The following DAP3 variants were observed in gnomAD, a reference collection of about 807,000 sequenced individuals.
DAP3 encodes the protein death associated protein 3, also known as small ribosomal subunit protein mS29.
A neutral mutation model predicts 51.9 loss-of-function variants in DAP3; 28 were observed. That is an observed-to-expected ratio of 0.54 (90% confidence interval 0.40 to 0.74). The LOEUF is 0.74. Ranked by LOEUF, DAP3 falls within the 30% of genes least tolerant of loss-of-function variation. The pLI, the probability that DAP3 is intolerant of heterozygous loss-of-function variation, is 0.00. For missense variants in DAP3, 458 were observed against 483.5 expected (o/e 0.95, Z 0.49); for synonymous variants, 170 against 170.3 (o/e 1.00, Z 0.01).
rs555547517 is a variant in DAP3, at chr1:155,690,977, G to A, written c.-8+1803G>A. 9.9e-5 allele frequency among the ~76,000 whole-genome samples: 14 copies of A among 141,876 alleles called. 3 individuals are homozygous for A. Among genetic ancestry groups the A allele is most frequent in the African/African-American group, 3.5e-4 (11 of 31,436 alleles). The allele number at this position is 141,876 out of a possible 152,430, so 93.1% of individuals were successfully genotyped here. A position where few individuals can be genotyped will look rare whatever the true frequency, so the allele number is the denominator to read the frequency against. On this transcript the variant is annotated intron_variant, in intron 1 of 12. Transcript: ENST00000368336. Reference sequence around the variant, plus strand: ...GGCTGGAGTGCAGTGGCGCGATCTCGGCTCACTGCAAGCTCCGCCTCCCGG... The same window carrying A: ...GGCTGGAGTGCAGTGGCGCGATCTCAGCTCACTGCAAGCTCCGCCTCCCGG...
intron 2 of DAP3, among the ~76,000 whole-genome samples, chr1:155,713,916 A>G (rs897289634): frequency 6.6e-6 from 1 of 152,256 alleles, no homozygotes; most frequent in African/African-American, 2.4e-5. Flanking sequence ...GCAGTGTAAT[A>G]AAATTGCTGT....
At chr1:155,703,260 G>A (rs890737318) in intron 1 of DAP3, among the ~76,000 whole-genome samples, 6 of 152,142 alleles carry the variant, frequency 3.9e-5, no homozygotes, top group African/African-American at 1.4e-4. Context: ...ACAATTCCAC[G>A]TGGCTACGGA....
At chr1:155,706,691 C>T (rs766193677) in intron 1 of DAP3, among the ~76,000 whole-genome samples, 16 of 151,674 alleles carry the variant, frequency 1.1e-4, no homozygotes, top group Non-Finnish European at 1.5e-4. Flanking sequence ...CGCTTGAGCC[C>T]GGGGAGGCAA....
intron 1 of DAP3, among the ~76,000 whole-genome samples, chr1:155,691,020 A>G (rs1571404669): frequency 7.1e-6 from 1 of 141,226 alleles, no homozygotes; most frequent in Admixed American, 6.6e-5. Context: ...CCATTCTCCT[A>G]CCTCAGCCTC....
Position 155,717,018 on chromosome 1 carries a change from C to T in DAP3, c.58C>T (p.Arg20Cys), listed in dbSNP as rs770793096. 2.8e-5 allele frequency: 45 copies of T among 1,613,534 alleles called. No homozygotes were observed. The highest frequency in any genetic ancestry group is 1.5e-4 in the Admixed American group (9 of 59,894). Residue 20 changes from arginine (R) to cysteine (C), a missense_variant, in exon 3 of 13, where the codon CGT becomes TGT. Transcript: ENST00000368336. ...GTTTCTCTTATAGTTGGACCCTGGG[C>T]GTTTTTTACACATGGGGACCCAGGC... ...ISRIHKLDPG[R>C]FLHMGTQARQ... is the part of the protein sequence containing the mutation.
chr1:155,712,295 T>C (rs1372549285), intron 2 of DAP3, among the ~76,000 whole-genome samples: 1 of 152,112 alleles, frequency 6.6e-6, no homozygotes, highest in Non-Finnish European at 1.5e-5. Context: ...ATAACATATA[T>C]AAAACTTTAA....
intron 1 of DAP3, among the ~76,000 whole-genome samples, chr1:155,706,748 A>AAAATAAAT (rs566737528): frequency 1.3e-5 from 2 of 151,816 alleles, no homozygotes; most frequent in African/African-American, 4.8e-5. Flanking sequence ...ACTTCATCGC[A>AAAATAAAT]AAATAAATAA....
chr1:155,729,044 A>G lies in DAP3; in HGVS notation c.606A>G (p.Ile202Met), dbSNP rs1451536392. The G allele has an allele frequency of 6.2e-7, 1 of 1,612,350 alleles. No homozygotes were observed. The highest frequency in any genetic ancestry group is 8.5e-7 in the Non-Finnish European group (1 of 1,179,662). The change falls in exon 8 of 13, where the codon ATA becomes ATG. Residue 202 changes from isoleucine (I) to methionine (M), a missense_variant and splice_region_variant. Coordinates refer to ENST00000368336, the MANE Select transcript of DAP3 (RefSeq NM_004632.4). ...KTTNERFLNQ[I>M]KVQEKYVWNK... ...TTATTTTCTTTGCTTGCTTTTAGATAAAAGTTCAAGAGAAGTATGTCTGGA... is the reference window on the plus strand; with the variant it reads ...TTATTTTCTTTGCTTGCTTTTAGATGAAAGTTCAAGAGAAGTATGTCTGGA...
At chr1:155,720,514 G>A (rs1254119284) in intron 3 of DAP3, among the ~76,000 whole-genome samples, 2 of 151,784 alleles carry the variant, frequency 1.3e-5, no homozygotes, top group African/African-American at 4.8e-5. Context: ...CAGGCATGGT[G>A]GCACATGCCT....
upstream of DAP3, chr1:155,688,634 C>T (rs1653098606): frequency 6.5e-7 from 1 of 1,534,600 alleles, no homozygotes; most frequent in Admixed American, 2.0e-5. Context: ...GTCAAGCCGG[C>T]TCCAGCGCAG....
At chr1:155,717,920 C>T (rs1289250758) in intron 3 of DAP3, among the ~76,000 whole-genome samples, 1 of 152,062 alleles carries the variant, frequency 6.6e-6, no homozygotes, top group East Asian at 1.9e-4. Context: ...TTTGTTGCTG[C>T]CTCTCATAAA....
At chr1:155,693,750 T>G (rs1654166710) in intron 1 of DAP3, among the ~76,000 whole-genome samples, 1 of 141,040 alleles carries the variant, frequency 7.1e-6, no homozygotes, top group Non-Finnish European at 1.5e-5. Flanking sequence ...TCACCTGAGG[T>G]CGGGAGTTCG....
At chr1:155,690,803 A>G (rs1425157921) in intron 1 of DAP3, among the ~76,000 whole-genome samples, 4 of 142,224 alleles carry the variant, frequency 2.8e-5, no homozygotes, top group Non-Finnish European at 5.9e-5. Flanking sequence ...GCAGTAGTGC[A>G]GTCCTGGCTC....
chr1:155,701,753 T>G (rs1655312641), intron 1 of DAP3, among the ~76,000 whole-genome samples: 1 of 151,164 alleles, frequency 6.6e-6, no homozygotes, highest in Admixed American at 6.6e-5. Context: ...GGCAAAACTG[T>G]TCCCCTGCCA....
At chr1:155,727,533 A>G in intron 6 of DAP3, 75 bp from the exon 7 acceptor site, 2 of 1,508,026 alleles carry the variant, frequency 1.3e-6, no homozygotes, top group Non-Finnish European at 1.8e-6. Flanking sequence ...CCCATAACTT[A>G]AAAGAGGCAT....
chr1:155,720,017 T>C (rs1469795298), intron 3 of DAP3, among the ~76,000 whole-genome samples: 2 of 152,052 alleles, frequency 1.3e-5, no homozygotes, highest in African/African-American at 2.4e-5. Context: ...ATGGGAGATA[T>C]CTTTTCCAGC....
intron 6 of DAP3, among the ~76,000 whole-genome samples, chr1:155,726,647 C>CA (rs1213079571): frequency 1.3e-5 from 2 of 151,850 alleles, no homozygotes; most frequent in African/African-American, 2.4e-5. Context: ...CTTTGCCAGT[C>CA]ACGATGGCTC....
intron 2 of DAP3, among the ~76,000 whole-genome samples, chr1:155,713,780 C>T (rs1246809947): frequency 1.3e-5 from 2 of 152,118 alleles, no homozygotes; most frequent in Non-Finnish European, 2.9e-5. Flanking sequence ...CCCATCATAA[C>T]ACAGGGTTGA....
At chr1:155,728,852 G>A (rs1204130895) in intron 7 of DAP3, among the ~76,000 whole-genome samples, 190 bp from the exon 8 acceptor site, 2 of 129,632 alleles carry the variant, frequency 1.5e-5, no homozygotes, top group African/African-American at 6.6e-5. Context: ...AGAGAAAGAA[G>A]CTGTCTCAAA....
Sources: allele counts gnomAD v4.1 joint callset (sites outside exome capture counted in the v4.1 genomes callset), GRCh38; gene constraint gnomAD v4.1.1; transcripts MANE v1.5; gene names NCBI Gene and HGNC (gene_info 2026-07-23, HGNC 2026-07-21).